VTI1A: variants seen among roughly 807,000 people sequenced by gnomAD.
VTI1A encodes vesicle transport through interaction with t-SNAREs homolog 1A.
VTI1A carries 22 observed loss-of-function variants against 34.9 expected under a neutral mutation model. The ratio of observed to expected loss-of-function variants is 0.63; its 90% CI spans 0.45 to 0.90. The LOEUF (loss-of-function observed/expected upper bound fraction) is 0.90, where lower values mean the gene tolerates loss of function less well. VTI1A is among the 40% of genes least tolerant of loss of function. The probability of loss-of-function intolerance (pLI) is 0.00; values close to 1 mark genes in which losing one functional copy is unlikely to be tolerated. For synonymous variants in VTI1A, 87 were observed against 97.3 expected, an observed-to-expected ratio of 0.89 and a Z score of 0.62; for missense variants, 268 against 275.6, an observed-to-expected ratio of 0.97 and a Z score of 0.20.
At chr10:112,591,355 C>T (rs1165676838) in intron 5 of VTI1A, among the ~76,000 whole-genome samples, 2 of 152,134 alleles carry the variant, frequency 1.3e-5, no homozygotes, top group African/African-American at 4.8e-5. Context: ...CCTGTCTCTA[C>T]TAACAATACA....
chr10:112,725,086 G>A (rs1034130371), intron 7 of VTI1A, among the ~76,000 whole-genome samples: 2 of 152,222 alleles, frequency 1.3e-5, no homozygotes, highest in East Asian at 3.8e-4. Context: ...TCTGGGTTCA[G>A]TATTTCCTAA....
chr10:112,449,941 C>T (rs979233591), intron 1 of VTI1A: 1 of 152,054 alleles, frequency 6.6e-6, no homozygotes, highest in Non-Finnish European at 1.5e-5. Context: ...GCTGTATCGC[C>T]CACGTTGGAG....
intron 3 of VTI1A, among the ~76,000 whole-genome samples, chr10:112,522,476 T>C (rs1217987993): frequency 6.6e-6 from 1 of 152,086 alleles, no homozygotes; most frequent in Non-Finnish European, 1.5e-5. Flanking sequence ...TTGCTTAGTG[T>C]TTGTGAATGT....
chr10:112,683,594 A>C (rs1246850740), intron 7 of VTI1A, among the ~76,000 whole-genome samples: 1 of 152,186 alleles, frequency 6.6e-6, no homozygotes, highest in South Asian at 2.1e-4. Flanking sequence ...CTTTGACCCA[A>C]GTATTCCCTT....
intron 5 of VTI1A, among the ~76,000 whole-genome samples, chr10:112,566,253 T>G (rs1456472723): frequency 6.6e-6 from 1 of 152,184 alleles, no homozygotes; most frequent in Non-Finnish European, 1.5e-5. Context: ...TCCATTCATA[T>G]TGAGACTAGC....
chr10:112,518,547 T>TTC (rs57853028), intron 3 of VTI1A, among the ~76,000 whole-genome samples: 54 of 101,536 alleles, frequency 5.3e-4, no homozygotes, highest in Middle Eastern at 5.8e-3. Flanking sequence ...TCATATCTCT[T>TTC]TCTCTCTCTC....
intron 3 of VTI1A, among the ~76,000 whole-genome samples, chr10:112,492,313 A>G (rs1027071675): frequency 6.6e-6 from 1 of 152,198 alleles, no homozygotes; most frequent in Non-Finnish European, 1.5e-5. Flanking sequence ...AAAAATAACA[A>G]CAAGAAACAT....
chr10:112,814,012 T>A (rs777916627), intron 7 of VTI1A, among the ~76,000 whole-genome samples: 28 of 152,218 alleles, frequency 1.8e-4, no homozygotes, highest in Non-Finnish European at 3.4e-4. Flanking sequence ...ACAGTTTCCA[T>A]TCAACCGTTT....
chr10:112,508,223 A>G (rs1849496340), intron 3 of VTI1A, among the ~76,000 whole-genome samples: 1 of 152,218 alleles, frequency 6.6e-6, no homozygotes, highest in South Asian at 2.1e-4. Context: ...CAAACAAAGG[A>G]AATAGATTTT....
At chr10:112,753,818 C>G (rs1851185546) in intron 7 of VTI1A, among the ~76,000 whole-genome samples, 1 of 152,074 alleles carries the variant, frequency 6.6e-6, no homozygotes, top group Non-Finnish European at 1.5e-5. Flanking sequence ...CAGCTTATAT[C>G]CTTGACTTTG....
chr10:112,614,809 A>G (rs898997115), intron 5 of VTI1A, among the ~76,000 whole-genome samples: 1 of 152,232 alleles, frequency 6.6e-6, no homozygotes, highest in African/African-American at 2.4e-5. Context: ...AGAAATTACA[A>G]CACTGAAAAT....
At chr10:112,629,556 TC>T (rs1846056529) in intron 5 of VTI1A, among the ~76,000 whole-genome samples, 1 of 152,246 alleles carries the variant, frequency 6.6e-6, no homozygotes, top group Non-Finnish European at 1.5e-5. Flanking sequence ...GTCTCCAGAC[TC>T]CTGCATGACC....
At chr10:112,853,432 T>A in the VTI1A span, among the ~76,000 whole-genome samples, 1 of 152,208 alleles carries the variant, frequency 6.6e-6, no homozygotes, top group Non-Finnish European at 1.5e-5. Context: ...ATTTATATAC[T>A]GGAGATACCA....
At chr10:112,730,453 G>A (rs900264409) in intron 7 of VTI1A, among the ~76,000 whole-genome samples, 4 of 152,230 alleles carry the variant, frequency 2.6e-5, no homozygotes, top group Admixed American at 6.5e-5. Flanking sequence ...CATTTAGAGT[G>A]AGGGATGATG....
chr10:112,691,086 C>T (rs34965989), intron 7 of VTI1A, among the ~76,000 whole-genome samples: 23,223 of 151,824 alleles, frequency 0.15, 2,034 homozygotes, highest in Middle Eastern at 0.23. Context: ...TGGCGAAACC[C>T]CGTCTCTACT....
chr10:112,848,331 T>C, the VTI1A span, among the ~76,000 whole-genome samples: 1 of 152,200 alleles, frequency 6.6e-6, no homozygotes. Flanking sequence ...TCTCCTCCTT[T>C]GATGAGGAGC....
chr10:112,485,496 A>G (rs1374907814), intron 3 of VTI1A, among the ~76,000 whole-genome samples: 1 of 152,212 alleles, frequency 6.6e-6, no homozygotes, highest in African/African-American at 2.4e-5. Context: ...CAGTAGTTAT[A>G]GTGACATATG....
At position 112,816,695 on chromosome 10, in the gene VTI1A, C is replaced by G; in HGVS notation, c.*1312C>G. On this transcript the variant is annotated 3_prime_UTR_variant, in exon 8 of 8. Coordinates refer to ENST00000393077, the MANE Select transcript of VTI1A (RefSeq NM_145206.4). ...CTTCATAGGCACTTACTGGTCCGTA[C>G]TATCTTTGGAATATAATTAGAAGCT... 1 of 226,450 alleles carries G rather than the reference C, an allele frequency of 4.4e-6. No individual in the cohort carries two copies. The highest frequency in any genetic ancestry group is 8.8e-6 in the Non-Finnish European group (1 of 113,802). The allele number at this position is 226,450 out of a possible 1,614,324, so 14.0% of individuals were successfully genotyped here.
intron 5 of VTI1A, among the ~76,000 whole-genome samples, chr10:112,645,232 T>C (rs1846728525): frequency 6.6e-6 from 1 of 152,172 alleles, no homozygotes; most frequent in African/African-American, 2.4e-5. Context: ...CCAGCTTAAA[T>C]TTTCCCCCAG....
Sources: gnomAD v4.1 joint callset for allele counts (sites outside exome capture counted in the v4.1 genomes callset) on GRCh38, gnomAD v4.1.1 for gene constraint, MANE v1.5 for transcripts, NCBI Gene and HGNC (gene_info 2026-07-23, HGNC 2026-07-21) for gene names.